SMYD3: variants seen among roughly 807,000 people sequenced by gnomAD.
The protein encoded by SMYD3 is SET and MYND domain containing 3, also known as histone-lysine N-methyltransferase SMYD3.
SMYD3 carries 36 observed loss-of-function variants against 57.7 expected under a neutral mutation model. That is an observed-to-expected ratio of 0.62 (90% confidence interval 0.48 to 0.82). The LOEUF (loss-of-function observed/expected upper bound fraction) is 0.82. SMYD3 is among the 40% of genes least tolerant of loss of function. The pLI, the probability that SMYD3 is intolerant of heterozygous loss-of-function variation, is 0.00. For synonymous variants in SMYD3, 211 were observed against 195.0 expected, an observed-to-expected ratio of 1.08 and a Z score of -0.68; for missense variants, 515 against 538.8, an observed-to-expected ratio of 0.96 and a Z score of 0.44.
Position 246,507,185 on chromosome 1 carries a change from G to C in SMYD3, c.33C>G (p.Thr11=), listed in dbSNP as rs1021438846. ...CGCGCAGCCCGTTTCCCCTCTTGGC[G>C]GTTGCGAACTTTTCCACCTTCAGCG... MEPLKVEKFA[T]AKRGNGLRAV... Residue 11 remains threonine (T), a synonymous_variant, in exon 1 of 12, where the codon ACC becomes ACG. Transcript: ENST00000490107. The C allele has an allele frequency of 1.6e-5, 25 of 1,528,464 alleles. No individual in the cohort carries two copies. Among genetic ancestry groups the C allele is most frequent in the Non-Finnish European group, 1.9e-5 (22 of 1,137,800 alleles). The allele number at this position is 1,528,464 out of a possible 1,614,324, so 94.7% of individuals were successfully genotyped here. A position where few individuals can be genotyped will look rare whatever the true frequency, so the allele number is the denominator to read the frequency against.
At chr1:246,364,745 C>T (rs2066071271) in intron 1 of SMYD3, among the ~76,000 whole-genome samples, 1 of 152,140 alleles carries the variant, frequency 6.6e-6, no homozygotes, top group African/African-American at 2.4e-5. Context: ...CCATCCACCC[C>T]CAAGTGCAGA....
In SMYD3 at chr1:246,355,588, G is replaced by A. The variant is rs1362361478; in HGVS notation, c.165-494C>T. On this transcript the variant is annotated intron_variant, in intron 1 of 11. Transcript: ENST00000490107. The surrounding 1 kb of genome is among the most constrained non-coding windows in gnomAD (Gnocchi z 5.0). ...CACCAGCTGCCTGGAAACAGACTCCGTGCTGCTGTGGGGGCACGGTGGGAG... is the reference window on the plus strand; with the variant it reads ...CACCAGCTGCCTGGAAACAGACTCCATGCTGCTGTGGGGGCACGGTGGGAG... Among the ~76,000 whole-genome samples the A allele has an allele frequency of 2.0e-5, 3 of 152,298 alleles. No homozygotes were observed. Among genetic ancestry groups the A allele is most frequent in the Non-Finnish European group, 2.9e-5 (2 of 68,028 alleles).
chr1:245,971,695 TG>T lies in SMYD3; in HGVS notation c.532-41759del, dbSNP rs531926744. On this transcript the variant is annotated intron_variant, in intron 5 of 11. Coordinates refer to ENST00000490107, the MANE Select transcript of SMYD3 (RefSeq NM_001167740.2). ...AATCTCTGGAGCCTACCTTGGTGCCTGGTACATAGCAGTCACTCAATTCATG... is the reference window on the plus strand; with the variant it reads ...AATCTCTGGAGCCTACCTTGGTGCCTGTACATAGCAGTCACTCAATTCATG... Among the ~76,000 whole-genome samples the T allele has an allele frequency of 2.2e-3, 332 of 152,330 alleles. 1 individual carries two copies. Among genetic ancestry groups the T allele is most frequent in the African/African-American group, 7.8e-3 (323 of 41,572 alleles).
rs1436377812 is a variant in SMYD3 at position 245,824,899 on chromosome 1, C to T, written c.1076+33597G>A. ...AAAAAAAATTAGTCGGGTGTGGCGG[C>T]GTGTACCTGCAATCCCAGCTACTCA... On this transcript the variant is annotated intron_variant, in intron 10 of 11. Transcript: ENST00000490107. 2.0e-5 allele frequency among the ~76,000 whole-genome samples: 3 copies of T among 148,818 alleles called. No homozygotes were observed. In the Admixed American group the frequency reaches 2.0e-4, roughly 10 times the overall value.
intron 5 of SMYD3, among the ~76,000 whole-genome samples, chr1:245,951,436 G>A (rs564715564): frequency 3.6e-5 from 5 of 137,854 alleles, no homozygotes; most frequent in Admixed American, 1.4e-4. Flanking sequence ...GGGCGAGGTG[G>A]TGCACGCCTG....
intron 1 of SMYD3, among the ~76,000 whole-genome samples, chr1:246,436,185 T>C (rs2067370276): frequency 8.8e-6 from 1 of 113,154 alleles, no homozygotes; most frequent in African/African-American, 2.9e-5. Flanking sequence ...CATTCTTTCT[T>C]ATTTGAAAAA....
At chr1:246,423,224 G>A (rs1041681932) in intron 1 of SMYD3, among the ~76,000 whole-genome samples, 2 of 149,904 alleles carry the variant, frequency 1.3e-5, no homozygotes, top group Non-Finnish European at 3.0e-5. Context: ...TTGAACCCGG[G>A]AAACGAAGGT....
chr1:246,045,117 A>T (rs1266910987), intron 5 of SMYD3, among the ~76,000 whole-genome samples: 1 of 152,232 alleles, frequency 6.6e-6, no homozygotes, highest in African/African-American at 2.4e-5. Flanking sequence ...TCTTCACAGA[A>T]TTGGAAAAAA....
At chr1:246,006,323 G>T (rs553818392) in intron 5 of SMYD3, among the ~76,000 whole-genome samples, 4 of 151,860 alleles carry the variant, frequency 2.6e-5, no homozygotes, top group African/African-American at 9.7e-5. Flanking sequence ...TGCTGGAGGG[G>T]CGGCGGGGGG....
At chr1:246,103,443 G>GA (rs920247628) in intron 5 of SMYD3, among the ~76,000 whole-genome samples, 78 of 138,294 alleles carry the variant, frequency 5.6e-4, no homozygotes, top group African/African-American at 6.6e-4. Flanking sequence ...CATGTAAAAA[G>GA]AAAAAAAAAA....
At chr1:245,878,759 G>A (rs993345288) in intron 8 of SMYD3, among the ~76,000 whole-genome samples, 2 of 152,188 alleles carry the variant, frequency 1.3e-5, no homozygotes, top group African/African-American at 4.8e-5. Context: ...CAGCCCCATT[G>A]CATTACAGGG....
At chr1:246,225,192 G>C (rs943085666) in intron 5 of SMYD3, among the ~76,000 whole-genome samples, 43 of 151,558 alleles carry the variant, frequency 2.8e-4, no homozygotes, top group African/African-American at 1.0e-3. Context: ...GTATTTAAAG[G>C]TTAAACAGAG....
At chr1:246,245,528 G>A (rs1572271258) in intron 5 of SMYD3, among the ~76,000 whole-genome samples, 1 of 151,988 alleles carries the variant, frequency 6.6e-6, no homozygotes, top group East Asian at 1.9e-4. Context: ...GAAAGAGGCA[G>A]ACATCTCACA....
chr1:245,968,068 T>A (rs974041816), intron 5 of SMYD3, among the ~76,000 whole-genome samples: 1 of 152,168 alleles, frequency 6.6e-6, no homozygotes, highest in Non-Finnish European at 1.5e-5. Flanking sequence ...ACGAAATACA[T>A]GAAAATCCAG....
intron 5 of SMYD3, among the ~76,000 whole-genome samples, chr1:246,190,387 C>G (rs1438517009): frequency 1.3e-5 from 2 of 152,000 alleles, no homozygotes; most frequent in Non-Finnish European, 2.9e-5. Context: ...GAGTTCGAGA[C>G]CAGTCTGGCC....
intron 5 of SMYD3, among the ~76,000 whole-genome samples, chr1:246,294,680 C>A (rs1046765838): frequency 1.3e-5 from 2 of 152,042 alleles, no homozygotes; most frequent in Non-Finnish European, 2.9e-5. Flanking sequence ...CTCACTGCAA[C>A]CTCCACCTCC....
chr1:246,237,883 C>T (rs908894758), intron 5 of SMYD3, among the ~76,000 whole-genome samples: 1 of 152,118 alleles, frequency 6.6e-6, no homozygotes, highest in African/African-American at 2.4e-5. Flanking sequence ...TATAATTTAA[C>T]AATCCCCCAT....
chr1:245,921,472 C>T (rs2055924774), intron 7 of SMYD3, among the ~76,000 whole-genome samples: 1 of 151,632 alleles, frequency 6.6e-6, no homozygotes, highest in Non-Finnish European at 1.5e-5. Context: ...CTCACGTGTT[C>T]ATCACAGTAC....
chr1:246,248,628 TGAC>T, intron 5 of SMYD3, among the ~76,000 whole-genome samples: 1 of 136,078 alleles, frequency 7.3e-6, no homozygotes, highest in Non-Finnish European at 1.5e-5. Flanking sequence ...AAAAGCTCTC[TGAC>T]TTTCCTTTTT....
Sources: gnomAD v4.1 joint callset for allele counts (sites outside exome capture counted in the v4.1 genomes callset) on GRCh38, gnomAD v4.1.1 for gene constraint, Gnocchi (gnomAD v3.1) non-coding constraint, MANE v1.5 for transcripts, NCBI Gene and HGNC (gene_info 2026-07-23, HGNC 2026-07-21) for gene names.